GPC6: variants seen among roughly 807,000 people sequenced by gnomAD.
The protein encoded by GPC6 is glypican-6.
A neutral mutation model predicts 55.2 loss-of-function variants in GPC6; 14 were observed. The observed-to-expected ratio is 0.25, with a 90% CI of 0.17 to 0.40. The LOEUF (loss-of-function observed/expected upper bound fraction) is 0.40, where lower values mean the gene tolerates loss of function less well. GPC6 is among the 10% of genes least tolerant of loss of function. The pLI is 1.00. For missense variants in GPC6, 641 were observed against 708.5 expected (o/e 0.90, Z 1.08); for synonymous variants, 278 against 259.6 (o/e 1.07, Z -0.68).
chr13:93,501,727 A>C (rs534865345), intron 1 of GPC6, among the ~76,000 whole-genome samples: 28 of 152,142 alleles, frequency 1.8e-4, no homozygotes, highest in Admixed American at 1.0e-3. Context: ...GAAGCAAAAT[A>C]AGCTGAAACA....
At chr13:94,042,260 G>A (rs1219463924) in intron 4 of GPC6, among the ~76,000 whole-genome samples, 1 of 151,666 alleles carries the variant, frequency 6.6e-6, no homozygotes, top group East Asian at 1.9e-4. Flanking sequence ...CCCAGAAGCA[G>A]AAGCCACCAT....
At chr13:93,359,061 T>C (rs892587210) in intron 1 of GPC6, among the ~76,000 whole-genome samples, 2 of 150,784 alleles carry the variant, frequency 1.3e-5, no homozygotes, top group Non-Finnish European at 1.5e-5. Context: ...TTCAACCTCC[T>C]GGGCTCGAGA....
chr13:94,068,340 T>C (rs1884608770), intron 4 of GPC6, among the ~76,000 whole-genome samples: 1 of 152,156 alleles, frequency 6.6e-6, no homozygotes. Context: ...ATGATTGAAT[T>C]ATCTCCCACC....
At chr13:94,335,868 C>T (rs1308809283) in intron 6 of GPC6, among the ~76,000 whole-genome samples, 1 of 151,350 alleles carries the variant, frequency 6.6e-6, no homozygotes, top group Non-Finnish European at 1.5e-5. Flanking sequence ...TCCTGTCTTA[C>T]TGAAAGACCC....
intron 1 of GPC6, among the ~76,000 whole-genome samples, chr13:93,388,856 A>C (rs921044575): frequency 6.6e-6 from 1 of 152,196 alleles, no homozygotes; most frequent in Non-Finnish European, 1.5e-5. Context: ...GCATCTAGGA[A>C]AGGGCTTGGC....
At chr13:94,261,002 A>C (rs1317233873) in intron 4 of GPC6, among the ~76,000 whole-genome samples, 1 of 152,194 alleles carries the variant, frequency 6.6e-6, no homozygotes, top group Admixed American at 6.5e-5. Context: ...CGCCGGGCAC[A>C]GTGGCTCATG....
At chr13:93,542,932 G>A (rs560026690) in intron 1 of GPC6, among the ~76,000 whole-genome samples, 8 of 152,256 alleles carry the variant, frequency 5.3e-5, no homozygotes, top group South Asian at 2.1e-4. Flanking sequence ...GGGCTGAGAC[G>A]ATGGGGTTTT....
At chr13:94,141,540 G>A (rs998208532) in intron 4 of GPC6, among the ~76,000 whole-genome samples, 9 of 152,100 alleles carry the variant, frequency 5.9e-5, no homozygotes, top group Non-Finnish European at 1.0e-4. Context: ...CATGAGGCAT[G>A]TCCCACCTCC....
chr13:93,396,413 A>C (rs891583077), intron 1 of GPC6, among the ~76,000 whole-genome samples: 1 of 152,060 alleles, frequency 6.6e-6, no homozygotes, highest in African/African-American at 2.4e-5. Context: ...AAATACAAAA[A>C]TTAACCAGGC....
At chr13:94,051,006 T>C (rs1289949857) in intron 4 of GPC6, among the ~76,000 whole-genome samples, 1 of 152,180 alleles carries the variant, frequency 6.6e-6, no homozygotes, top group Non-Finnish European at 1.5e-5. Context: ...GTGATTAGCA[T>C]TGTCTTCATT....
intron 4 of GPC6, among the ~76,000 whole-genome samples, chr13:94,028,576 T>C (rs1410607371): frequency 5.9e-5 from 9 of 152,164 alleles, no homozygotes; most frequent in African/African-American, 2.2e-4. Flanking sequence ...CCACACATAT[T>C]AGCAAACAAT....
chr13:93,598,634 G>C (rs1014843139), intron 2 of GPC6, among the ~76,000 whole-genome samples: 1 of 152,112 alleles, frequency 6.6e-6, no homozygotes, highest in Admixed American at 6.6e-5. Context: ...CTTTTGAGAT[G>C]CAGAAAAGTG....
intron 1 of GPC6, among the ~76,000 whole-genome samples, chr13:93,461,865 C>G (rs1878705933): frequency 6.6e-6 from 1 of 152,178 alleles, no homozygotes; most frequent in Non-Finnish European, 1.5e-5. Context: ...TACGTTATCT[C>G]ATTCTTACAT....
intron 1 of GPC6, among the ~76,000 whole-genome samples, chr13:93,488,117 C>A (rs1254239855): frequency 1.3e-5 from 2 of 152,162 alleles, no homozygotes; most frequent in African/African-American, 4.8e-5. Flanking sequence ...TATCCCTCCC[C>A]CCTCCTTTCA....
At chr13:93,491,602 G>A (rs12385861) in intron 1 of GPC6, among the ~76,000 whole-genome samples, 2 of 145,028 alleles carry the variant, frequency 1.4e-5, no homozygotes, top group African/African-American at 5.2e-5. Flanking sequence ...GCCCACGCCT[G>A]TGTCCTGAAT....
intron 4 of GPC6, among the ~76,000 whole-genome samples, chr13:94,170,966 G>A (rs1231765589): frequency 6.6e-6 from 1 of 152,162 alleles, no homozygotes; most frequent in Non-Finnish European, 1.5e-5. Flanking sequence ...ATGTTTGGAG[G>A]CTCAGTTTCT....
chr13:93,415,418 AT>A lies in GPC6; in HGVS notation c.161-129842del, dbSNP rs888603697. Among the ~76,000 whole-genome samples, 185 of 152,258 alleles carry A rather than the reference AT, an allele frequency of 1.2e-3. 2 individuals are homozygous for A. The highest frequency in any genetic ancestry group is 4.3e-3 in the African/African-American group (180 of 41,570). ...CCATACTAATGATTGCATAGCATTC[AT>A]TTGTATGACAAACCCTCATTTTCTT... is the stretch of plus-strand genomic sequence containing the variant. On this transcript the variant is annotated intron_variant, in intron 1 of 8. Coordinates refer to ENST00000377047, the MANE Select transcript of GPC6 (RefSeq NM_005708.5).
At chr13:94,162,839 G>A (rs1053646971) in intron 4 of GPC6, among the ~76,000 whole-genome samples, 2 of 152,012 alleles carry the variant, frequency 1.3e-5, no homozygotes, top group Admixed American at 6.6e-5. Context: ...GATAGTTTAA[G>A]TAAGTTAAAT....
chr13:93,339,393 A>G (rs1880158533), intron 1 of GPC6, among the ~76,000 whole-genome samples: 1 of 150,666 alleles, frequency 6.6e-6, no homozygotes, highest in Admixed American at 6.6e-5. Context: ...AAAAAAAAAA[A>G]GCACCACGTA....
Sources: allele counts gnomAD v4.1 joint callset (sites outside exome capture counted in the v4.1 genomes callset), GRCh38; gene constraint gnomAD v4.1.1; transcripts MANE v1.5; gene names NCBI Gene and HGNC (gene_info 2026-07-23, HGNC 2026-07-21).